Variants in COP1 observed in about 807,000 individuals in gnomAD.
The protein encoded by COP1 is E3 ubiquitin-protein ligase COP1.
A neutral mutation model predicts 101.3 loss-of-function variants in COP1; 24 were observed. The ratio of observed to expected loss-of-function variants is 0.24; its 90% confidence interval spans 0.17 to 0.33. COP1 has a LOEUF of 0.33. Ranked by LOEUF, COP1 falls within the 10% of genes least tolerant of loss-of-function variation. The probability of loss-of-function intolerance (pLI) is 1.00; values close to 1 mark genes in which losing one functional copy is unlikely to be tolerated. For synonymous variants in COP1, 347 were observed against 341.9 expected (o/e 1.01, Z -0.17); for missense variants, 663 against 906.2 (o/e 0.73, Z 3.45).
chr1:175,996,511 C>T (rs1660195830), intron 15 of COP1, among the ~76,000 whole-genome samples: 2 of 151,646 alleles, frequency 1.3e-5, no homozygotes, highest in African/African-American at 4.9e-5. Flanking sequence ...ATCGTCTCAG[C>T]CCAAAATCTC....
Position 176,081,172 on chromosome 1 carries a change from A to G in COP1, c.1257T>C (p.Asn419=). 4 of 1,609,088 alleles carry G rather than the reference A, an allele frequency of 2.5e-6. No individual in the cohort carries two copies. The highest frequency in any genetic ancestry group is 3.4e-6 in the Non-Finnish European group (4 of 1,176,682). ...ATLSYASDLY[N]GSSIVSSIEF... is the part of the protein sequence containing the mutation. ...CTTACCTAGAGACTATACTGGAACC[A>G]TTATAGAGATCACTAGCATATGACA... The change falls in exon 11 of 20, where the codon AAT becomes AAC. Residue 419 remains asparagine, a synonymous_variant. Coordinates refer to ENST00000367669, the MANE Select transcript of COP1 (RefSeq NM_022457.7).
intron 11 of COP1, 85 bp downstream of exon 11, chr1:176,081,067 A>G: frequency 8.2e-7 from 1 of 1,216,494 alleles, no homozygotes; most frequent in South Asian, 1.4e-5. Flanking sequence ...CCACGCTTTT[A>G]ATAATAATGG....
intron 1 of COP1, among the ~76,000 whole-genome samples, chr1:176,191,832 G>A (rs546614658): frequency 8.8e-4 from 134 of 152,216 alleles, no homozygotes; most frequent in African/African-American, 2.9e-3. Flanking sequence ...TCTCCATCAA[G>A]ACCTGTGTTT....
rs573853063 is a variant in COP1 at position 176,002,995 on chromosome 1, T to C, written c.1730-13516A>G. Among the ~76,000 whole-genome samples the C allele has an allele frequency of 2.4e-3, 362 of 150,090 alleles. 8 individuals carry two copies. The highest frequency in any genetic ancestry group is 3.4e-3 in the Non-Finnish European group (227 of 67,142). ...CCAACAGTGTAAAAGTGTTCCTATT[T>C]CTCCACATCCTCTCCAGCACCTGTT... is the stretch of plus-strand genomic sequence containing the variant. On this transcript the variant is annotated intron_variant, in intron 15 of 19. Coordinates refer to ENST00000367669, the MANE Select transcript of COP1 (RefSeq NM_022457.7).
chr1:175,981,077 A>G (rs571812122), intron 18 of COP1, among the ~76,000 whole-genome samples: 1 of 152,282 alleles, frequency 6.6e-6, no homozygotes, highest in East Asian at 1.9e-4. Context: ...CTCTAGATAA[A>G]TCAATGTTAA....
intron 5 of COP1, among the ~76,000 whole-genome samples, chr1:176,159,055 T>C (rs1317503602): frequency 2.0e-5 from 3 of 152,190 alleles, no homozygotes; most frequent in Admixed American, 6.5e-5. Flanking sequence ...TTATAAGTGA[T>C]GAACCAACAA....
At chr1:175,993,229 C>T (rs1659124621) in intron 15 of COP1, among the ~76,000 whole-genome samples, 1 of 152,154 alleles carries the variant, frequency 6.6e-6, no homozygotes, top group South Asian at 2.1e-4. Context: ...ACATCCACAC[C>T]AAAAACCCAT....
chr1:176,064,503 T>C (rs763124933), intron 11 of COP1, among the ~76,000 whole-genome samples: 1 of 152,216 alleles, frequency 6.6e-6, no homozygotes, highest in Non-Finnish European at 1.5e-5. Context: ...GTAATGTGAA[T>C]AGCCCTATCA....
intron 3 of COP1, among the ~76,000 whole-genome samples, chr1:176,166,353 T>C (rs971524859): frequency 1.3e-5 from 2 of 152,170 alleles, no homozygotes; most frequent in Non-Finnish European, 2.9e-5. Context: ...TCTTGAACTC[T>C]TGGCCTCGAG....
intron 15 of COP1, among the ~76,000 whole-genome samples, chr1:175,995,396 A>G (rs892740760): frequency 6.6e-6 from 1 of 152,232 alleles, no homozygotes; most frequent in Admixed American, 6.5e-5. Context: ...AATTAAAATC[A>G]GAGCAGAACT....
intron 2 of COP1, among the ~76,000 whole-genome samples, chr1:176,178,475 A>G (rs1265040121): frequency 1.3e-5 from 2 of 152,082 alleles, no homozygotes; most frequent in Middle Eastern, 3.2e-3. Context: ...TGAGGGACAC[A>G]GCGAGACTCT....
chr1:176,005,638 C>T (rs983642266), intron 15 of COP1, among the ~76,000 whole-genome samples: 10 of 152,156 alleles, frequency 6.6e-5, no homozygotes, highest in Non-Finnish European at 8.8e-5. Flanking sequence ...GCAGGTTGTT[C>T]AGTTTCCATG....
chr1:176,012,238 A>C (rs1019333464), intron 15 of COP1, among the ~76,000 whole-genome samples: 9 of 152,186 alleles, frequency 5.9e-5, no homozygotes, highest in Non-Finnish European at 1.3e-4. Context: ...GGCTCAGGTG[A>C]ATTTCCCACC....
At chr1:176,079,058 C>T (rs1678617060) in intron 11 of COP1, among the ~76,000 whole-genome samples, 1 of 152,068 alleles carries the variant, frequency 6.6e-6, no homozygotes, top group Non-Finnish European at 1.5e-5. Context: ...ACTAGATCAA[C>T]CACTATGGAA....
At chr1:176,081,393 A>T in intron 10 of COP1, 106 bp from the exon 11 acceptor site, 1 of 890,294 alleles carries the variant, frequency 1.1e-6, no homozygotes, top group Non-Finnish European at 1.6e-6. Flanking sequence ...TACAAAAAAC[A>T]ATTTTTAAAG....
At chr1:176,195,481 C>A (rs34511428) in intron 1 of COP1, among the ~76,000 whole-genome samples, 60,096 of 151,918 alleles carry the variant, frequency 0.4, 12,082 homozygotes, top group Middle Eastern at 0.45. Context: ...TACTATTTGA[C>A]ATGTATAGAA....
chr1:176,053,252 C>T (rs1238603221), intron 11 of COP1, among the ~76,000 whole-genome samples: 1 of 152,152 alleles, frequency 6.6e-6, no homozygotes, highest in Non-Finnish European at 1.5e-5. Flanking sequence ...AAAGTCTTCC[C>T]ACATTCCATG....
chr1:176,026,134 C>T (rs1667620390), intron 15 of COP1, among the ~76,000 whole-genome samples: 1 of 152,066 alleles, frequency 6.6e-6, no homozygotes, highest in Non-Finnish European at 1.5e-5. Flanking sequence ...GGAAAACTGC[C>T]TAGCAGATAG....
intron 1 of COP1, among the ~76,000 whole-genome samples, chr1:176,191,744 A>G (rs1699137155): frequency 6.6e-6 from 1 of 152,120 alleles, no homozygotes; most frequent in Admixed American, 6.6e-5. Context: ...AAAGCCTTAA[A>G]AAACTTAAAT....
Sources: allele counts gnomAD v4.1 joint callset (sites outside exome capture counted in the v4.1 genomes callset), GRCh38; gene constraint gnomAD v4.1.1; transcripts MANE v1.5; gene names NCBI Gene and HGNC (gene_info 2026-07-23, HGNC 2026-07-21).